HMGB1: variants seen among roughly 807,000 people sequenced by gnomAD.
HMGB1 encodes the protein high mobility group box 1.
For missense variants in HMGB1, 79 were observed against 253.5 expected (o/e 0.31, Z 4.67); for synonymous variants, 81 against 84.0 (o/e 0.96, Z 0.19).
intron 1 of HMGB1, among the ~76,000 whole-genome samples, chr13:30,491,384 A>G (rs1393364821): frequency 1.3e-5 from 2 of 152,200 alleles, no homozygotes; most frequent in Non-Finnish European, 2.9e-5. Flanking sequence ...GTCATATGGA[A>G]AAAGAAACAA....
At chr13:30,581,666 C>T (rs1037599872) in intron 1 of HMGB1, among the ~76,000 whole-genome samples, 1 of 152,300 alleles carries the variant, frequency 6.6e-6, no homozygotes, top group African/African-American at 2.4e-5. Context: ...TGATCATCTA[C>T]TAATATAATG....
intron 1 of HMGB1, among the ~76,000 whole-genome samples, chr13:30,574,450 T>C (rs1026627432): frequency 3.3e-5 from 5 of 152,238 alleles, no homozygotes; most frequent in South Asian, 2.1e-4. Context: ...GCTAAATGAA[T>C]TCTCTTGTGA....
At chr13:30,525,067 T>G (rs559169253) in intron 1 of HMGB1, among the ~76,000 whole-genome samples, 211 of 152,342 alleles carry the variant, frequency 1.4e-3, no homozygotes, top group African/African-American at 4.9e-3. Context: ...AAATCCGAAC[T>G]CTGCTAACTA....
intron 1 of HMGB1, among the ~76,000 whole-genome samples, chr13:30,518,711 CT>C (rs573738449): frequency 1.2e-3 from 172 of 144,852 alleles, no homozygotes; most frequent in Admixed American, 1.1e-3. Context: ...TCATAGAAAC[CT>C]TTTTTTTTTT....
intron 1 of HMGB1, among the ~76,000 whole-genome samples, chr13:30,519,349 C>T (rs1888176288): frequency 6.8e-6 from 1 of 146,742 alleles, no homozygotes; most frequent in Non-Finnish European, 1.5e-5. Flanking sequence ...GCCAAGATCA[C>T]ACCACTGCAC....
chr13:30,458,918 A>G lies in HMGB1; in HGVS notation c.*2439T>C, dbSNP rs1374544066. The G allele has an allele frequency of 6.6e-6, 1 of 152,214 alleles. No individual in the cohort carries two copies. Among genetic ancestry groups the G allele is most frequent in the African/African-American group, 2.4e-5 (1 of 41,452 alleles). 9.4% of individuals were successfully genotyped at this position (152,214 alleles called of 1,614,324 possible). A position where few individuals can be genotyped will look rare whatever the true frequency, so the allele number is the denominator to read the frequency against. ...AATAGCTCTCAACCTTTGCACAGCA[A>G]AGTTAGGAAATTTGACTCGTTAATC... On this transcript the variant is annotated 3_prime_UTR_variant, in exon 5 of 5. Coordinates refer to ENST00000341423, the MANE Select transcript of HMGB1 (RefSeq NM_002128.7).
At chr13:30,532,440 T>C (rs149173339) in intron 1 of HMGB1, among the ~76,000 whole-genome samples, 13 of 152,274 alleles carry the variant, frequency 8.5e-5, no homozygotes, top group African/African-American at 3.1e-4. Context: ...TATACTTCAT[T>C]CTTTTAAATA....
chr13:30,605,957 C>A (rs1593342021), intron 1 of HMGB1, among the ~76,000 whole-genome samples: 1 of 152,086 alleles, frequency 6.6e-6, no homozygotes, highest in East Asian at 1.9e-4. Context: ...CCATAGTAAC[C>A]ATGAACACAC....
chr13:30,550,581 T>C (rs1053229031), intron 1 of HMGB1, among the ~76,000 whole-genome samples: 4 of 152,188 alleles, frequency 2.6e-5, no homozygotes, highest in African/African-American at 9.6e-5. Flanking sequence ...CTCAGTTCAC[T>C]ACCCACCAGA....
intron 1 of HMGB1, among the ~76,000 whole-genome samples, chr13:30,585,440 C>A (rs1871102723): frequency 6.6e-6 from 1 of 152,170 alleles, no homozygotes; most frequent in Non-Finnish European, 1.5e-5. Context: ...GTAATCCCAG[C>A]ACTTTGGGAG....
intron 1 of HMGB1, among the ~76,000 whole-genome samples, chr13:30,493,162 C>T (rs1887537874): frequency 6.6e-6 from 1 of 151,968 alleles, no homozygotes; most frequent in African/African-American, 2.4e-5. Context: ...TAGAAGCAAA[C>T]CAAATGTTGA....
intron 1 of HMGB1, chr13:30,464,761 T>TGTGTG: frequency 1.2e-5 from 2 of 163,238 alleles, no homozygotes; most frequent in Non-Finnish European, 2.3e-5. Flanking sequence ...CTCCTTCCCT[T>TGTGTG]TGTGTGTGTG....
chr13:30,556,167 G>A (rs1295163251), intron 1 of HMGB1, among the ~76,000 whole-genome samples: 1 of 152,200 alleles, frequency 6.6e-6, no homozygotes, highest in Non-Finnish European at 1.5e-5. Flanking sequence ...CACTTTGGGA[G>A]GCCAAGATGG....
chr13:30,472,180 G>A (rs1370316738), intron 1 of HMGB1, among the ~76,000 whole-genome samples: 1 of 152,126 alleles, frequency 6.6e-6, no homozygotes, highest in Non-Finnish European at 1.5e-5. Flanking sequence ...CTGGGAGGCT[G>A]AAGCACGAGA....
chr13:30,479,981 T>C (rs964174557), intron 1 of HMGB1, among the ~76,000 whole-genome samples: 2 of 152,248 alleles, frequency 1.3e-5, no homozygotes, highest in African/African-American at 4.8e-5. Context: ...TCCCTCCTGC[T>C]GCCCTCCTGA....
At chr13:30,524,501 G>A (rs994638700) in intron 1 of HMGB1, among the ~76,000 whole-genome samples, 9 of 151,892 alleles carry the variant, frequency 5.9e-5, no homozygotes, top group African/African-American at 1.9e-4. Context: ...AAGGCGGCAG[G>A]AGAGGGAATG....
chr13:30,550,969 C>T (rs1268807040), intron 1 of HMGB1, among the ~76,000 whole-genome samples: 2 of 152,192 alleles, frequency 1.3e-5, no homozygotes, highest in East Asian at 1.9e-4. Flanking sequence ...CACATGTTCA[C>T]TTTAGATTGC....
At chr13:30,466,286 C>T (rs1886781048), upstream of HMGB1, among the ~76,000 whole-genome samples, 1 of 101,080 alleles carries the variant, frequency 9.9e-6, no homozygotes, top group Non-Finnish European at 1.9e-5. Flanking sequence ...AAAAGAGACA[C>T]CCACAGGTCT....
intron 1 of HMGB1, among the ~76,000 whole-genome samples, chr13:30,475,288 C>T (rs1347182996): frequency 1.3e-5 from 2 of 148,292 alleles, no homozygotes; most frequent in Non-Finnish European, 3.0e-5. Flanking sequence ...GACCTCGGCT[C>T]ACTGCAGTCT....
Sources: gnomAD v4.1 joint callset for allele counts (sites outside exome capture counted in the v4.1 genomes callset) on GRCh38, gnomAD v4.1.1 for gene constraint, MANE v1.5 for transcripts, NCBI Gene and HGNC (gene_info 2026-07-23, HGNC 2026-07-21) for gene names.